Variants in ST7 observed in about 807,000 individuals in gnomAD.
ST7 encodes the protein suppressor of tumorigenicity 7 protein.
ST7 carries 28 observed loss-of-function variants against 78.7 expected under a neutral mutation model. That is an observed-to-expected ratio of 0.36 (90% CI 0.26 to 0.49). The LOEUF is 0.49. ST7 is among the 20% of genes least tolerant of loss of function. The probability of loss-of-function intolerance (pLI) is 0.99; values close to 1 mark genes in which losing one functional copy is unlikely to be tolerated. For synonymous variants in ST7, 247 were observed against 249.6 expected, an observed-to-expected ratio of 0.99 and a Z score of 0.10; for missense variants, 418 against 696.0, an observed-to-expected ratio of 0.60 and a Z score of 4.49.
chr7:117,113,165 G>A (rs1802569122), intron 2 of ST7, among the ~76,000 whole-genome samples: 1 of 152,192 alleles, frequency 6.6e-6, no homozygotes, highest in Admixed American at 6.5e-5. Context: ...ATGCTCAGAA[G>A]CAATCCACTT....
chr7:117,203,875 G>A (rs1221658377), intron 12 of ST7, among the ~76,000 whole-genome samples: 2 of 152,140 alleles, frequency 1.3e-5, no homozygotes, highest in East Asian at 3.8e-4. Flanking sequence ...CCATATCCAT[G>A]TCCTTGGATA....
chr7:117,045,684 G>C (rs1354410860), intron 1 of ST7, among the ~76,000 whole-genome samples: 1 of 152,160 alleles, frequency 6.6e-6, no homozygotes, highest in Non-Finnish European at 1.5e-5. Context: ...CCAAATGAAA[G>C]CTCCACAAGG....
Position 117,230,098 on chromosome 7 carries a change from C to T in ST7, c.*241C>T. The T allele has an allele frequency of 1.5e-6, 1 of 674,646 alleles. No individual in the cohort carries two copies. Among genetic ancestry groups the T allele is most frequent in the South Asian group, 1.6e-5 (1 of 64,096 alleles). 41.8% of individuals were successfully genotyped at this position (674,646 alleles called of 1,614,324 possible). On this transcript the variant is annotated 3_prime_UTR_variant, in exon 16 of 16. Coordinates refer to ENST00000323984, the MANE Select transcript of ST7 (RefSeq NM_001369598.1). Reference sequence around the variant, plus strand: ...TCAAAAATAAAACTTTTGTGTATTACAGCAATCATTTGTATCCTCCTGTGT... The same window carrying T: ...TCAAAAATAAAACTTTTGTGTATTATAGCAATCATTTGTATCCTCCTGTGT...
chr7:117,136,204 A>T lies in ST7; in HGVS notation c.834A>T (p.Gln278His). ...GTTACCGACGCTCTCAGCAGCTACA[A>T]CATCATGGATCCCAGTATGAAGCCC... ...DGCYRRSQQLQHHGSQYEAQH... is the reference protein window; with the variant it reads ...DGCYRRSQQLHHHGSQYEAQH... Residue 278 changes from glutamine (Q) to histidine (H), a missense_variant, in exon 8 of 16, where the codon CAA (glutamine) becomes CAT (histidine). Physicochemically the swap from Gln to His is conservative, Grantham distance 24. Coordinates refer to ENST00000323984, the MANE Select transcript of ST7 (RefSeq NM_001369598.1). 1 of 1,613,682 alleles carries T rather than the reference A, an allele frequency of 6.2e-7. No individual in the cohort carries two copies. The highest frequency in any genetic ancestry group is 8.5e-7 in the Non-Finnish European group (1 of 1,179,704).
intron 3 of ST7, among the ~76,000 whole-genome samples, chr7:117,123,269 T>A (rs1378357328): frequency 1.3e-5 from 2 of 152,168 alleles, no homozygotes; most frequent in African/African-American, 4.8e-5. Flanking sequence ...CCTTAAGGAA[T>A]AATTTGTTTT....
At chr7:117,051,834 G>A (rs1385961107) in intron 1 of ST7, among the ~76,000 whole-genome samples, 1 of 152,180 alleles carries the variant, frequency 6.6e-6, no homozygotes, top group African/African-American at 2.4e-5. Flanking sequence ...CCTAACTTGA[G>A]GAATGAGATG....
At chr7:117,179,473 G>C (rs145218459) in intron 10 of ST7, among the ~76,000 whole-genome samples, 2 of 152,244 alleles carry the variant, frequency 1.3e-5, no homozygotes, top group African/African-American at 4.8e-5. Flanking sequence ...CTTTAGCCCA[G>C]GATGGAAGGG....
intron 1 of ST7, among the ~76,000 whole-genome samples, chr7:116,955,987 G>A (rs141822371): frequency 1.4e-3 from 208 of 152,240 alleles, no homozygotes; most frequent in African/African-American, 4.5e-3. Flanking sequence ...AAGATAAAAG[G>A]GGAAGCACAC....
chr7:117,211,232 G>A (rs1369512042), intron 13 of ST7, among the ~76,000 whole-genome samples: 2 of 152,210 alleles, frequency 1.3e-5, no homozygotes, highest in Non-Finnish European at 2.9e-5. Context: ...ACTTGAAGGA[G>A]GATTTTATCA....
intron 9 of ST7, among the ~76,000 whole-genome samples, chr7:117,169,387 C>T (rs986284415): frequency 3.3e-5 from 5 of 152,110 alleles, no homozygotes; most frequent in Non-Finnish European, 5.9e-5. Context: ...CCACCTGCCT[C>T]GGCCTCTCAA....
intron 9 of ST7, among the ~76,000 whole-genome samples, chr7:117,167,666 G>A (rs1479067764): frequency 6.6e-6 from 1 of 152,094 alleles, no homozygotes; most frequent in Non-Finnish European, 1.5e-5. Context: ...TTTAAGATAA[G>A]AGGATGTGGG....
In ST7 at chr7:117,130,617, T is replaced by G; in HGVS notation, c.565+11T>G. 1 of 1,599,020 alleles carries G rather than the reference T, an allele frequency of 6.3e-7. No individual in the cohort carries two copies. Among genetic ancestry groups the G allele is most frequent in the Non-Finnish European group, 8.5e-7 (1 of 1,169,892 alleles). On this transcript the variant is annotated intron_variant, in intron 5 of 15. Coordinates refer to ENST00000323984, the MANE Select transcript of ST7 (RefSeq NM_001369598.1). ...GTCCCGCAGATGCAAGTATGAAAAATCCATACATCCTTCTGAATGGGAGGG... is the reference window on the plus strand; with the variant it reads ...GTCCCGCAGATGCAAGTATGAAAAAGCCATACATCCTTCTGAATGGGAGGG...
intron 12 of ST7, among the ~76,000 whole-genome samples, chr7:117,194,683 G>A (rs1222920661): frequency 6.6e-6 from 1 of 152,170 alleles, no homozygotes; most frequent in East Asian, 1.9e-4. Flanking sequence ...ACAAACAAAG[G>A]ACTACCCTCA....
At chr7:117,122,587 C>T (rs184504988) in intron 3 of ST7, among the ~76,000 whole-genome samples, 3 of 152,270 alleles carry the variant, frequency 2.0e-5, no homozygotes, top group Admixed American at 2.0e-4. Context: ...TATTTCCATT[C>T]ATTTCTTGTA....
chr7:117,065,204 CTTTTTTTTTTTTTTTTT>C (rs11363365), intron 1 of ST7, among the ~76,000 whole-genome samples: 1 of 91,824 alleles, frequency 1.1e-5, no homozygotes, highest in Non-Finnish European at 2.2e-5. Flanking sequence ...TGGTTCAAGT[CTTTTTTTTTTTTTTTTT>C]TTTTTTAGAC....
intron 1 of ST7, among the ~76,000 whole-genome samples, chr7:117,056,088 T>C (rs1351268732): frequency 6.6e-6 from 1 of 152,144 alleles, no homozygotes; most frequent in African/African-American, 2.4e-5. Context: ...GCTGATTAGA[T>C]TGTACCCACC....
intron 12 of ST7, among the ~76,000 whole-genome samples, chr7:117,200,816 CTCT>C (rs1468724979): frequency 1.3e-5 from 1 of 77,956 alleles, no homozygotes; most frequent in East Asian, 8.5e-4. Context: ...TAAAAATGTA[CTCT>C]TTTTTTTTTT....
intron 1 of ST7, among the ~76,000 whole-genome samples, chr7:116,971,133 C>G (rs1324276204): frequency 3.9e-5 from 6 of 152,170 alleles, no homozygotes; most frequent in Non-Finnish European, 5.9e-5. Context: ...TGCCAGCCCA[C>G]AGAGTGCAGA....
intron 1 of ST7, among the ~76,000 whole-genome samples, chr7:117,093,066 A>G (rs187780414): frequency 2.6e-5 from 4 of 152,298 alleles, no homozygotes; most frequent in South Asian, 4.1e-4. Flanking sequence ...TAAGGCAGTA[A>G]TCGGAGATTT....
Sources: gnomAD v4.1 joint callset for allele counts (sites outside exome capture counted in the v4.1 genomes callset) on GRCh38, gnomAD v4.1.1 for gene constraint, MANE v1.5 for transcripts, NCBI Gene and HGNC (gene_info 2026-07-23, HGNC 2026-07-21) for gene names.